PRKD1: variants seen among roughly 807,000 people sequenced by gnomAD.
The protein encoded by PRKD1 is protein kinase D1.
In PRKD1, 63 loss-of-function variants were observed where a neutral mutation model predicts 95.9. The observed-to-expected ratio is 0.66, with a 90% CI of 0.54 to 0.81. The LOEUF (loss-of-function observed/expected upper bound fraction) is 0.81, where lower values mean the gene tolerates loss of function less well. PRKD1 is among the 30% of genes least tolerant of loss of function. The pLI is 0.00. For synonymous variants in PRKD1, 425 were observed against 423.1 expected (o/e 1.00, Z -0.05); for missense variants, 1,048 against 1,165.3 (o/e 0.90, Z 1.47).
intron 1 of PRKD1, among the ~76,000 whole-genome samples, chr14:29,923,240 A>C (rs1373561537): frequency 6.6e-6 from 1 of 151,842 alleles, no homozygotes; most frequent in Non-Finnish European, 1.5e-5. Flanking sequence ...AAAAAAAAAA[A>C]AAAAAACACA....
intron 16 of PRKD1, among the ~76,000 whole-genome samples, chr14:29,583,872 A>C (rs1215669412): frequency 6.6e-6 from 1 of 152,218 alleles, no homozygotes; most frequent in African/African-American, 2.4e-5. Context: ...TTGCTACAAT[A>C]AATTTTTGGC....
intron 1 of PRKD1, among the ~76,000 whole-genome samples, chr14:29,841,477 C>T (rs1594568398): frequency 6.6e-6 from 1 of 152,086 alleles, no homozygotes; most frequent in East Asian, 1.9e-4. Flanking sequence ...GGGTCTTTCC[C>T]ATGTGGTTCT....
chr14:29,898,390 A>C (rs1894205528), intron 1 of PRKD1, among the ~76,000 whole-genome samples: 1 of 152,142 alleles, frequency 6.6e-6, no homozygotes, highest in South Asian at 2.1e-4. Flanking sequence ...ATGGTAAGTA[A>C]GTTCTTCAGG....
At chr14:29,628,603 A>G (rs1233717678) in intron 11 of PRKD1, among the ~76,000 whole-genome samples, 3 of 152,226 alleles carry the variant, frequency 2.0e-5, no homozygotes, top group Non-Finnish European at 4.4e-5. Flanking sequence ...ACAAGTGACT[A>G]TAAGAGCATT....
At chr14:29,713,305 ACATTT>A (rs959459017) in intron 2 of PRKD1, among the ~76,000 whole-genome samples, 1 of 152,152 alleles carries the variant, frequency 6.6e-6, no homozygotes, top group Non-Finnish European at 1.5e-5. Flanking sequence ...CCTGATTAAC[ACATTT>A]TTAAACCTGC....
chr14:29,584,347 G>A (rs537357606), intron 16 of PRKD1, among the ~76,000 whole-genome samples: 2 of 152,142 alleles, frequency 1.3e-5, no homozygotes, highest in Non-Finnish European at 2.9e-5. Flanking sequence ...GGCATCCAAA[G>A]CTTGCAGAAA....
chr14:29,747,635 C>G (rs1210295628), intron 1 of PRKD1, among the ~76,000 whole-genome samples: 1 of 140,766 alleles, frequency 7.1e-6, no homozygotes, highest in East Asian at 2.2e-4. Context: ...GAATGAAGTA[C>G]TGATCTACAC....
intron 1 of PRKD1, among the ~76,000 whole-genome samples, chr14:29,762,369 G>A (rs1330633548): frequency 6.6e-6 from 1 of 152,102 alleles, no homozygotes; most frequent in African/African-American, 2.4e-5. Flanking sequence ...GCATGAAAGA[G>A]TCACCATTCT....
At chr14:29,649,302 T>C (rs1282137703) in intron 4 of PRKD1, among the ~76,000 whole-genome samples, 1 of 152,196 alleles carries the variant, frequency 6.6e-6, no homozygotes, top group African/African-American at 2.4e-5. Context: ...AATTGGATTG[T>C]AAGGAGGAGG....
chr14:29,674,007 G>C (rs1883013816), intron 2 of PRKD1, among the ~76,000 whole-genome samples: 1 of 152,176 alleles, frequency 6.6e-6, no homozygotes, highest in East Asian at 1.9e-4. Context: ...GCATCTCACT[G>C]GATTATGAGG....
At chr14:29,614,702 T>TA (rs1482574980) in intron 13 of PRKD1, among the ~76,000 whole-genome samples, 2 of 151,818 alleles carry the variant, frequency 1.3e-5, no homozygotes, top group African/African-American at 4.8e-5. Context: ...AATATACACA[T>TA]ATATTTTTTT....
intron 1 of PRKD1, among the ~76,000 whole-genome samples, chr14:29,926,183 ACT>A (rs1411299562): frequency 2.0e-5 from 3 of 152,138 alleles, no homozygotes; most frequent in African/African-American, 7.2e-5. Context: ...GATTTAGCAA[ACT>A]CTGTTACAAA....
At chr14:29,774,701 A>G (rs1408668659) in intron 1 of PRKD1, among the ~76,000 whole-genome samples, 1 of 152,036 alleles carries the variant, frequency 6.6e-6, no homozygotes, top group Non-Finnish European at 1.5e-5. Flanking sequence ...TTTATAAGTC[A>G]TTATCTTCAT....
chr14:29,711,350 C>T (rs1039744267), intron 2 of PRKD1, among the ~76,000 whole-genome samples: 1 of 152,112 alleles, frequency 6.6e-6, no homozygotes, highest in Non-Finnish European at 1.5e-5. Context: ...ACTTAAACTA[C>T]ACTGCATTAT....
intron 1 of PRKD1, among the ~76,000 whole-genome samples, chr14:29,787,090 T>C (rs1889306786): frequency 6.6e-6 from 1 of 152,010 alleles, no homozygotes; most frequent in Admixed American, 6.6e-5. Flanking sequence ...ATTGACTCAC[T>C]GGTCATATAG....
chr14:29,644,505 T>C (rs1263377142), intron 4 of PRKD1, among the ~76,000 whole-genome samples: 3 of 152,152 alleles, frequency 2.0e-5, no homozygotes, highest in Admixed American at 6.5e-5. Context: ...TGTGAACCCA[T>C]TGTTGATGGA....
At chr14:29,805,111 A>T (rs1046175255) in intron 1 of PRKD1, among the ~76,000 whole-genome samples, 1 of 152,212 alleles carries the variant, frequency 6.6e-6, no homozygotes, top group African/African-American at 2.4e-5. Flanking sequence ...ACTATAGATT[A>T]TCATACAGTT....
At chr14:29,898,505 T>C (rs909306720) in intron 1 of PRKD1, among the ~76,000 whole-genome samples, 2 of 152,166 alleles carry the variant, frequency 1.3e-5, no homozygotes, top group African/African-American at 4.8e-5. Context: ...AATTCCAACA[T>C]TATTCAAATA....
intron 1 of PRKD1, among the ~76,000 whole-genome samples, chr14:29,858,946 C>T (rs1481685635): frequency 6.6e-6 from 1 of 152,140 alleles, no homozygotes; most frequent in African/African-American, 2.4e-5. Context: ...TACAAGTCTC[C>T]TCTATTTGAA....
Sources: gnomAD v4.1 joint callset for allele counts (sites outside exome capture counted in the v4.1 genomes callset) on GRCh38, gnomAD v4.1.1 for gene constraint, MANE v1.5 for transcripts, NCBI Gene and HGNC (gene_info 2026-07-23, HGNC 2026-07-21) for gene names.